The following OR6K3 variants were observed in gnomAD, a reference collection of about 807,000 sequenced individuals.
OR6K3 encodes olfactory receptor 6K3.
For synonymous variants in OR6K3, 169 were observed against 137.7 expected, an observed-to-expected ratio of 1.23 and a Z score of -1.59; for missense variants, 396 against 382.5, an observed-to-expected ratio of 1.04 and a Z score of -0.29.
At chr1:158,724,114 T>A (rs1244542104), upstream of OR6K3, 7 of 152,552 alleles carry the variant, frequency 4.6e-5, no homozygotes, top group African/African-American at 1.4e-4. Flanking sequence ...GAGCTAGCAT[T>A]AATCTACAGA....
rs766193229 is a variant in OR6K3 at position 158,717,679 on chromosome 1, G to A, written c.437C>T (p.Ala146Val). Reference sequence around the variant, plus strand: ...AAGGAAACCGAAGAGGCAGGAACCTGCAGAGAGTTGAGCACAGAGCCGGGG... The same window carrying A: ...AAGGAAACCGAAGAGGCAGGAACCTACAGAGAGTTGAGCACAGAGCCGGGG... The part of the protein sequence containing the change: ...MTPRLCAQLS[A>V]GSCLFGFLIL... Residue 146 changes from alanine to valine, a missense_variant, in exon 2 of 2, where the codon GCA becomes GTA. Coordinates refer to ENST00000368145, the MANE Select transcript of OR6K3 (RefSeq NM_001005327.3). 41 of 1,613,682 alleles carry A rather than the reference G, an allele frequency of 2.5e-5. No homozygotes were observed. Among genetic ancestry groups the A allele is most frequent in the Non-Finnish European group, 3.4e-5 (40 of 1,179,842 alleles).
Position 158,716,512 on chromosome 1 carries a change from T to G in OR6K3, c.*656A>C, listed in dbSNP as rs1408057750. ...TAAACAAAAAAACTTTTCTAAGATG[T>G]GTTACCTAAATAGACACATACTACC... On this transcript the variant is annotated 3_prime_UTR_variant, in exon 2 of 2. Transcript: ENST00000368145. 1 of 152,126 alleles carries G rather than the reference T, an allele frequency of 6.6e-6. No individual in the cohort carries two copies. 9.4% of individuals were successfully genotyped at this position (152,126 alleles called of 1,614,324 possible).
In OR6K3 at chr1:158,717,053, G is replaced by T. The variant is rs538034978; in HGVS notation, c.*115C>A. 2 of 732,000 alleles carry T rather than the reference G, an allele frequency of 2.7e-6. No homozygotes were observed. The highest frequency in any genetic ancestry group is 1.8e-5 in the African/African-American group (1 of 56,558). The allele number at this position is 732,000 out of a possible 1,614,324, so 45.3% of individuals were successfully genotyped here. A position where few individuals can be genotyped will look rare whatever the true frequency, so the allele number is the denominator to read the frequency against. On this transcript the variant is annotated 3_prime_UTR_variant, in exon 2 of 2. Coordinates refer to ENST00000368145, the MANE Select transcript of OR6K3 (RefSeq NM_001005327.3). The stretch of plus-strand genomic sequence containing the variant: ...GAATTGTTCAAAACCAGGAGGTGGA[G>T]GTTGCAGTGAGCCAAGATCATGCCA...
chr1:158,718,637 T>C (rs529401081), intron 1 of OR6K3, among the ~76,000 whole-genome samples: 1 of 149,788 alleles, frequency 6.7e-6, no homozygotes, highest in East Asian at 2.0e-4. Context: ...CGAATAAACA[T>C]AACAGAAGTT....
chr1:158,719,291 A>G (rs956768563), intron 1 of OR6K3, among the ~76,000 whole-genome samples: 2 of 151,854 alleles, frequency 1.3e-5, no homozygotes, highest in Non-Finnish European at 2.9e-5. Flanking sequence ...TATTTTCCCC[A>G]GGTTCCTATC....
chr1:158,724,726 C>T (rs573774234), upstream of OR6K3: 2 of 224,104 alleles, frequency 8.9e-6, no homozygotes, highest in East Asian at 1.1e-4. Context: ...CAACAAAATC[C>T]CCTCTGAATT....
At position 158,717,458 on chromosome 1, in the gene OR6K3, T is replaced by C; in HGVS notation, c.658A>G (p.Ile220Val). ...GGAATCCTCAATATCACAGTGACAA[T>C]TCTTACATAGGACAGGGCAATGATT... ...FLIIALSYVR[I>V]VTVILRIPSS... Residue 220 changes from isoleucine to valine, a missense_variant, in exon 2 of 2, where the codon ATT (isoleucine) becomes GTT (valine). Coordinates refer to ENST00000368145, the MANE Select transcript of OR6K3 (RefSeq NM_001005327.3). 1 of 1,613,670 alleles carries C rather than the reference T, an allele frequency of 6.2e-7. No individual in the cohort carries two copies. The highest frequency in any genetic ancestry group is 1.1e-5 in the South Asian group (1 of 91,072).
In OR6K3 at chr1:158,717,172, C is replaced by A. The variant is rs1386027627; in HGVS notation, c.944G>T (p.Gly315Val). Residue 315 changes from glycine to valine, a missense_variant, in exon 2 of 2, where the codon GGT becomes GTT. Coordinates refer to ENST00000368145, the MANE Select transcript of OR6K3 (RefSeq NM_001005327.3). ...CLQKVLNKPG[G>V] ...AAGGGAACCTGTGGCTCTGTATTAA[C>A]CTCCAGGCTTGTTCAACACTTTTTG... 2.5e-6 allele frequency: 4 copies of A among 1,603,004 alleles called. No individual in the cohort carries two copies. The South Asian group carries it at 3.3e-5, about 13-fold the overall frequency.
chr1:158,722,273 C>T (rs1349500190), upstream of OR6K3, among the ~76,000 whole-genome samples: 1 of 151,982 alleles, frequency 6.6e-6, no homozygotes, highest in Non-Finnish European at 1.5e-5. Flanking sequence ...TAAATATGCA[C>T]AGCAAATATG....
rs781152815 is a variant in OR6K3, at chr1:158,717,541, G to T, written c.575C>A (p.Thr192Lys). 6.2e-7 allele frequency: 1 copy of T among 1,613,712 alleles called. No individual in the cohort carries two copies. Among genetic ancestry groups the T allele is most frequent in the African/African-American group, 1.3e-5 (1 of 75,004 alleles). ...CACATCCTCAATCAGAATCATGGACGTGTCTGTACAGGCCAGGCTTAGCAC... is the reference window on the plus strand; with the variant it reads ...CACATCCTCAATCAGAATCATGGACTTGTCTGTACAGGCCAGGCTTAGCAC... ...VPVLSLACTDTSMILIEDVIH... is the reference protein window; with the variant it reads ...VPVLSLACTDKSMILIEDVIH... The change falls in exon 2 of 2, where the codon ACG becomes AAG. Residue 192 changes from threonine (T) to lysine (K), a missense_variant. Transcript: ENST00000368145.
In OR6K3 at chr1:158,716,785, A is replaced by G. The variant is rs933590518; in HGVS notation, c.*383T>C. On this transcript the variant is annotated 3_prime_UTR_variant, in exon 2 of 2. Coordinates refer to ENST00000368145, the MANE Select transcript of OR6K3 (RefSeq NM_001005327.3). ...TTCAGTGTGACAAAGCACTAGGTAT[A>G]GAGTAATCTCATGTTCTAATATGTT... 7 of 180,304 alleles carry G rather than the reference A, an allele frequency of 3.9e-5. No homozygotes were observed. Among genetic ancestry groups the G allele is most frequent in the Admixed American group, 3.2e-4 (6 of 18,666 alleles). The allele number at this position is 180,304 out of a possible 1,614,324, so 11.2% of individuals were successfully genotyped here. A position where few individuals can be genotyped will look rare whatever the true frequency, so the allele number is the denominator to read the frequency against.
chr1:158,718,730 C>A (rs1476547714), intron 1 of OR6K3, among the ~76,000 whole-genome samples: 1 of 151,998 alleles, frequency 6.6e-6, no homozygotes, highest in African/African-American at 2.4e-5. Context: ...ACAATGTAAA[C>A]CTGAAGTTGA....
chr1:158,721,728 T>C (rs865893057), upstream of OR6K3, among the ~76,000 whole-genome samples: 8 of 151,896 alleles, frequency 5.3e-5, no homozygotes, highest in Admixed American at 3.9e-4. Flanking sequence ...TAATCATATT[T>C]TGCTCTGTAA....
upstream of OR6K3, among the ~76,000 whole-genome samples, chr1:158,722,399 C>T (rs1246036814): frequency 6.6e-6 from 1 of 151,960 alleles, no homozygotes; most frequent in Admixed American, 6.6e-5. Context: ...CCTCACTTCT[C>T]TGGCTTGTAA....
At position 158,717,779 on chromosome 1, in the gene OR6K3, T is replaced by A; in HGVS notation, c.337A>T (p.Ile113Phe). ...TCAATGGCCATGGTGGTCAGCAAGA[T>A]CCCCTCTGAGTTTTCAAGTGAGTGG... ...FFHSLENSEG[I>F]LLTTMAIDRY... Residue 113 changes from isoleucine (I) to phenylalanine (F), a missense_variant, in exon 2 of 2, where the codon ATC becomes TTC. Ile to Phe is a conservative substitution (Grantham distance 21). Transcript: ENST00000368145. 1 of 1,613,752 alleles carries A rather than the reference T, an allele frequency of 6.2e-7. No individual in the cohort carries two copies. The highest frequency in any genetic ancestry group is 8.5e-7 in the Non-Finnish European group (1 of 1,179,830).
Position 158,717,705 on chromosome 1 carries a change from G to T in OR6K3, c.411C>A (p.Thr137=), listed in dbSNP as rs531807930. ...CNPLRYQMIM[T]PRLCAQLSAG... Reference sequence around the variant, plus strand: ...CAGAGAGTTGAGCACAGAGCCGGGGGGTCATGATCATTTGATAGCGAAGAG... The same window carrying T: ...CAGAGAGTTGAGCACAGAGCCGGGGTGTCATGATCATTTGATAGCGAAGAG... Residue 137 remains threonine (T), a synonymous_variant, in exon 2 of 2, where the codon ACC becomes ACA. Transcript: ENST00000368145. 6.2e-7 allele frequency: 1 copy of T among 1,613,770 alleles called. No individual in the cohort carries two copies. The highest frequency in any genetic ancestry group is 1.1e-5 in the South Asian group (1 of 91,074).
chr1:158,717,642 G>A lies in OR6K3; in HGVS notation c.474C>T (p.Pro158=), dbSNP rs149886388. 33 of 1,613,782 alleles carry A rather than the reference G, an allele frequency of 2.0e-5. No individual in the cohort carries two copies. Among genetic ancestry groups the A allele is most frequent in the Middle Eastern group, 3.3e-4 (2 of 6,056 alleles). Residue 158 remains proline (P), a synonymous_variant, in exon 2 of 2, where the codon CCC becomes CCT. Coordinates refer to ENST00000368145, the MANE Select transcript of OR6K3 (RefSeq NM_001005327.3). The part of the protein sequence containing the change: ...SCLFGFLILL[P]EIVMISTLPF... ...GCAGTGTGGAAATCATCACAATCTC[G>A]GGAAGCAGGATAAGGAAACCGAAGA...
rs1656143769 is a variant in OR6K3 at position 158,716,360 on chromosome 1, A to G, written c.*808T>C. On this transcript the variant is annotated 3_prime_UTR_variant, in exon 2 of 2. Transcript: ENST00000368145. ...AATAATCTAATCTTACTAAACATGT[A>G]ATTATTCTAATGAATAGGTAACTAC... The G allele has an allele frequency of 1.3e-5, 2 of 152,146 alleles. No individual in the cohort carries two copies. Among genetic ancestry groups the G allele is most frequent in the South Asian group, 4.1e-4 (2 of 4,836 alleles). The allele number at this position is 152,146 out of a possible 1,614,324, so 9.4% of individuals were successfully genotyped here. A position where few individuals can be genotyped will look rare whatever the true frequency, so the allele number is the denominator to read the frequency against.
rs759668627 is a variant in OR6K3 at position 158,717,465 on chromosome 1, A to G, written c.651T>C (p.Tyr217=). ...IITFLIIALS[Y]VRIVTVILRI... is the part of the protein sequence containing the mutation. ...TCAATATCACAGTGACAATTCTTACATAGGACAGGGCAATGATTAGGAAGG... is the reference window on the plus strand; with the variant it reads ...TCAATATCACAGTGACAATTCTTACGTAGGACAGGGCAATGATTAGGAAGG... Residue 217 remains tyrosine (Y), a synonymous_variant, in exon 2 of 2, where the codon TAT becomes TAC. Coordinates refer to ENST00000368145, the MANE Select transcript of OR6K3 (RefSeq NM_001005327.3). 1.2e-6 allele frequency: 2 copies of G among 1,613,642 alleles called. No homozygotes were observed. The highest frequency in any genetic ancestry group is 1.1e-5 in the South Asian group (1 of 91,082).
Sources: allele counts gnomAD v4.1 joint callset (sites outside exome capture counted in the v4.1 genomes callset), GRCh38; gene constraint gnomAD v4.1.1; transcripts MANE v1.5; gene names NCBI Gene and HGNC (gene_info 2026-07-23, HGNC 2026-07-21).